Variants in ENTPD1 observed in about 807,000 individuals in gnomAD.
ENTPD1 encodes the protein ATP diphosphohydrolase.
ENTPD1 carries 33 observed loss-of-function variants against 57.0 expected under a neutral mutation model. The observed-to-expected ratio is 0.58, with a 90% CI of 0.44 to 0.77. ENTPD1 has a LOEUF of 0.77. Ranked by LOEUF, ENTPD1 falls within the 30% of genes least tolerant of loss-of-function variation. The probability of loss-of-function intolerance (pLI) is 0.00; values close to 1 mark genes in which losing one functional copy is unlikely to be tolerated. For missense variants in ENTPD1, 501 were observed against 603.4 expected, an observed-to-expected ratio of 0.83 and a Z score of 1.78; for synonymous variants, 202 against 218.8, an observed-to-expected ratio of 0.92 and a Z score of 0.68.
At chr10:95,850,143 G>T (rs990291672) in intron 7 of ENTPD1, among the ~76,000 whole-genome samples, 1 of 152,132 alleles carries the variant, frequency 6.6e-6, no homozygotes, top group African/African-American at 2.4e-5. Flanking sequence ...ACTCCCCCTG[G>T]AGGCTTTTCT....
intron 1 of ENTPD1, among the ~76,000 whole-genome samples, chr10:95,813,035 T>A (rs1459562410): frequency 6.6e-6 from 1 of 152,256 alleles, no homozygotes; most frequent in Non-Finnish European, 1.5e-5. Context: ...TATTTCATAA[T>A]TGTTGCAAAC....
At chr10:95,827,579 G>A (rs919151905) in intron 2 of ENTPD1, among the ~76,000 whole-genome samples, 3 of 152,048 alleles carry the variant, frequency 2.0e-5, no homozygotes, top group Non-Finnish European at 2.9e-5. Flanking sequence ...TCTGCCTCTC[G>A]GGTTCAAGCA....
chr10:95,842,284 G>T lies in ENTPD1; in HGVS notation c.263-60G>T, dbSNP rs2098424192. On this transcript the variant is annotated intron_variant, in intron 3 of 9. Transcript: ENST00000371205. ...AAACACCATATTTTGATCTACTATT[G>T]TCAAGGTATGTTTTATAATTTTTTT... 4.8e-6 allele frequency: 7 copies of T among 1,469,800 alleles called. No homozygotes were observed. The East Asian group carries it at 1.6e-4, about 34-fold the overall frequency. 91.0% of individuals were successfully genotyped at this position (1,469,800 alleles called of 1,614,324 possible). A position where few individuals can be genotyped will look rare whatever the true frequency, so the allele number is the denominator to read the frequency against.
intron 8 of ENTPD1, chr10:95,861,756 C>CT (rs1003460589): frequency 6.6e-6 from 1 of 151,858 alleles, no homozygotes; most frequent in Non-Finnish European, 1.5e-5. Context: ...TTAGGCTGCT[C>CT]TTTGAAAAAA....
At chr10:95,728,765 G>C (rs1015580155) in intron 1 of ENTPD1, among the ~76,000 whole-genome samples, 4 of 152,142 alleles carry the variant, frequency 2.6e-5, no homozygotes, top group African/African-American at 9.7e-5. Context: ...ACAGAAGGTA[G>C]CTATGAAATC....
intron 6 of ENTPD1, 102 bp downstream of exon 6, chr10:95,845,698 G>A (rs1371390887): frequency 6.2e-7 from 1 of 1,604,634 alleles, no homozygotes; most frequent in East Asian, 2.2e-5. Context: ...TCTGAACTTG[G>A]TTATTGTACT....
chr10:95,750,779 C>G (rs2098010900), upstream of ENTPD1, among the ~76,000 whole-genome samples: 1 of 152,180 alleles, frequency 6.6e-6, no homozygotes, highest in Admixed American at 6.5e-5. Flanking sequence ...AATCCCAGCA[C>G]TTTGGGAGGC....
chr10:95,829,788 A>T (rs1262652339), intron 2 of ENTPD1, among the ~76,000 whole-genome samples: 1 of 152,058 alleles, frequency 6.6e-6, no homozygotes, highest in Non-Finnish European at 1.5e-5. Context: ...TCATGTTGAA[A>T]CTTAATCCCC....
Position 95,828,994 on chromosome 10 carries a change from A to G in ENTPD1, c.144+5630A>G, listed in dbSNP as rs566923488. On this transcript the variant is annotated intron_variant, in intron 2 of 9. Coordinates refer to ENST00000371205, the MANE Select transcript of ENTPD1 (RefSeq NM_001776.6). ...CCAAAGTGCTGGGATTACAGGCATG[A>G]GCCATCGCACCTGGCCATGCCCATT... Among the ~76,000 whole-genome samples the G allele has an allele frequency of 1.6e-4, 24 of 152,330 alleles. No homozygotes were observed. In the East Asian group the frequency reaches 4.4e-3, roughly 28 times the overall value.
chr10:95,860,245 A>G (rs1351772122), intron 7 of ENTPD1, among the ~76,000 whole-genome samples: 1 of 151,958 alleles, frequency 6.6e-6, no homozygotes, highest in African/African-American at 2.4e-5. Context: ...TTCTATTACA[A>G]TTATGGAGAA....
chr10:95,850,508 C>T (rs1370314519), intron 7 of ENTPD1, among the ~76,000 whole-genome samples: 3 of 152,096 alleles, frequency 2.0e-5, no homozygotes, highest in African/African-American at 4.8e-5. Flanking sequence ...AACCAACTCT[C>T]GGGGAATGGG....
intron 2 of ENTPD1, among the ~76,000 whole-genome samples, chr10:95,825,452 T>C (rs971574297): frequency 2.0e-5 from 3 of 152,232 alleles, no homozygotes; most frequent in African/African-American, 7.2e-5. Context: ...CTGGTTTGAG[T>C]AGTTTATTGA....
chr10:95,849,291 C>G (rs1161492057), intron 7 of ENTPD1, among the ~76,000 whole-genome samples: 2 of 152,204 alleles, frequency 1.3e-5, no homozygotes, highest in East Asian at 3.8e-4. Flanking sequence ...GAAAAATTAG[C>G]TACCATCTGT....
At chr10:95,763,836 C>T (rs769632895) in intron 1 of ENTPD1, among the ~76,000 whole-genome samples, 12 of 152,170 alleles carry the variant, frequency 7.9e-5, no homozygotes, top group African/African-American at 2.2e-4. Flanking sequence ...GACATTGGTT[C>T]GCACACTATT....
At chr10:95,794,687 T>A (rs1416759562) in intron 1 of ENTPD1, among the ~76,000 whole-genome samples, 1 of 152,132 alleles carries the variant, frequency 6.6e-6, no homozygotes, top group Admixed American at 6.5e-5. Flanking sequence ...CAGAGTGTTG[T>A]GAAGGGTACC....
intron 1 of ENTPD1, among the ~76,000 whole-genome samples, chr10:95,815,685 G>T (rs1430240837): frequency 6.6e-6 from 1 of 152,122 alleles, no homozygotes; most frequent in Non-Finnish European, 1.5e-5. Context: ...TGAGTTACTG[G>T]CAGTGTATCC....
Position 95,845,616 on chromosome 10 carries a change from G to C in ENTPD1, c.813+20G>C. ...ATTCAGGCAAGTATAACTCAATCCA[G>C]ACCTGCCCCCTTCACATCTGCACCT... On this transcript the variant is annotated intron_variant, in intron 6 of 9. Coordinates refer to ENST00000371205, the MANE Select transcript of ENTPD1 (RefSeq NM_001776.6). The C allele has an allele frequency of 6.2e-7, 1 of 1,614,196 alleles. No individual in the cohort carries two copies. The highest frequency in any genetic ancestry group is 8.5e-7 in the Non-Finnish European group (1 of 1,180,036).
At chr10:95,817,311 G>T (rs2098333321) in intron 1 of ENTPD1, among the ~76,000 whole-genome samples, 1 of 152,178 alleles carries the variant, frequency 6.6e-6, no homozygotes, top group Admixed American at 6.5e-5. Context: ...TGCTCTGATG[G>T]AGCCAGGCTC....
chr10:95,739,743 G>T (rs974679333), intron 1 of ENTPD1, among the ~76,000 whole-genome samples: 9 of 152,110 alleles, frequency 5.9e-5, no homozygotes, highest in African/African-American at 2.2e-4. Context: ...GTTCTTAATG[G>T]TATCTAGAAT....
Sources: allele counts gnomAD v4.1 joint callset (sites outside exome capture counted in the v4.1 genomes callset), GRCh38; gene constraint gnomAD v4.1.1; transcripts MANE v1.5; gene names NCBI Gene and HGNC (gene_info 2026-07-23, HGNC 2026-07-21).